DHX8: variants seen among roughly 807,000 people sequenced by gnomAD.
The protein encoded by DHX8 is DEAH-box helicase 8, also known as ATP-dependent RNA helicase DHX8.
Under a neutral mutation model 140.7 loss-of-function variants are expected in DHX8, and 67 were observed. The ratio of observed to expected loss-of-function variants is 0.48; its 90% CI spans 0.39 to 0.58. The LOEUF (loss-of-function observed/expected upper bound fraction) is 0.58. DHX8 is among the 20% of genes least tolerant of loss of function. The pLI, the probability that DHX8 is intolerant of heterozygous loss-of-function variation, is 0.00. For synonymous variants in DHX8, 533 were observed against 553.2 expected (o/e 0.96, Z 0.51); for missense variants, 887 against 1,550.7 (o/e 0.57, Z 7.19).
chr17:43,531,248 A>G (rs1970919021), downstream of DHX8, among the ~76,000 whole-genome samples: 1 of 152,222 alleles, frequency 6.6e-6, no homozygotes, highest in African/African-American at 2.4e-5. Context: ...ATCTAGGGCT[A>G]CTAATGTAAC....
chr17:43,525,936 A>G (rs1970598775), downstream of DHX8: 2 of 985,334 alleles, frequency 2.0e-6, no homozygotes, highest in Admixed American at 6.1e-5. Context: ...GCTAAGGATA[A>G]GAGACAGCAG....
chr17:43,505,639 G>T (rs958998943), intron 12 of DHX8, among the ~76,000 whole-genome samples: 1 of 151,482 alleles, frequency 6.6e-6, no homozygotes, highest in African/African-American at 2.4e-5. Flanking sequence ...TTTTTCCTGG[G>T]GCCCCTAGAA....
chr17:43,508,633 T>C (rs1164443344), intron 16 of DHX8, 113 bp downstream of exon 16: 1 of 684,262 alleles, frequency 1.5e-6, no homozygotes, highest in Non-Finnish European at 2.3e-6. Flanking sequence ...TTTTTTTTTT[T>C]TTCCTCGAGG....
intron 8 of DHX8, among the ~76,000 whole-genome samples, chr17:43,494,219 C>T (rs1398128106): frequency 1.3e-5 from 2 of 152,144 alleles, no homozygotes; most frequent in African/African-American, 2.4e-5. Context: ...GTGACAACAG[C>T]GTGGGAAAGA....
At chr17:43,490,750 C>T (rs768002642) in intron 3 of DHX8, among the ~76,000 whole-genome samples, 2 of 152,032 alleles carry the variant, frequency 1.3e-5, no homozygotes, top group East Asian at 1.9e-4. Flanking sequence ...GGCGTGCCTC[C>T]GTAGTTCCAG....
chr17:43,516,702 G>T (rs2154586824), intron 17 of DHX8, among the ~76,000 whole-genome samples: 1 of 152,226 alleles, frequency 6.6e-6, no homozygotes, highest in South Asian at 2.1e-4. Context: ...GCCCACCTTG[G>T]CCTCCCAAAG....
intron 3 of DHX8, among the ~76,000 whole-genome samples, chr17:43,542,201 A>G (rs1265938886): frequency 6.6e-6 from 1 of 152,100 alleles, no homozygotes; most frequent in African/African-American, 2.4e-5. Context: ...GATAAAAGCT[A>G]TGGGTCATTC....
At chr17:43,487,265 C>T (rs1378917410) in intron 1 of DHX8, among the ~76,000 whole-genome samples, 2 of 152,146 alleles carry the variant, frequency 1.3e-5, no homozygotes, top group African/African-American at 4.8e-5. Context: ...AAGATGTGTT[C>T]GTGTAGCCTG....
At chr17:43,529,011 T>C (rs1240224149), downstream of DHX8, 1 of 969,502 alleles carries the variant, frequency 1.0e-6, no homozygotes, top group Non-Finnish European at 1.6e-6. Flanking sequence ...ATTTCTTGTC[T>C]CTCTGACTGA....
chr17:43,519,911 A>G (rs894537085), intron 18 of DHX8: 15 of 462,030 alleles, frequency 3.2e-5, no homozygotes, highest in African/African-American at 2.8e-4. Flanking sequence ...ACTGCACTCC[A>G]GCCTGGGTGA....
chr17:43,524,953 A>AGGGTT lies in DHX8; in HGVS notation c.*1107_*1111dup, dbSNP rs1170150095. On this transcript the variant is annotated 3_prime_UTR_variant, in exon 23 of 23. Transcript: ENST00000262415. ...TGTGCCCTCCTCACAGCTCCTGAGG[A>AGGGTT]GGGTTTTTTTTTTTTCTTCCCATAG... 2 of 981,850 alleles carry AGGGTT rather than the reference A, an allele frequency of 2.0e-6. No homozygotes were observed. The allele number at this position is 981,850 out of a possible 1,614,324, so 60.8% of individuals were successfully genotyped here. A position where few individuals can be genotyped will look rare whatever the true frequency, so the allele number is the denominator to read the frequency against.
Position 43,493,745 on chromosome 17 carries a change from G to A in DHX8, c.1071G>A (p.Glu357=), listed in dbSNP as rs764176217. The A allele has an allele frequency of 3.1e-6, 5 of 1,614,094 alleles. No homozygotes were observed. The highest frequency in any genetic ancestry group is 3.3e-5 in the Admixed American group (2 of 60,012). Residue 357 remains glutamate (E), a synonymous_variant, in exon 8 of 23, where the codon GAG becomes GAA. Transcript: ENST00000262415. ...ATAGACGGCGAAATCTTGTCGGGGAGACCAATGAGGAGACCTCAATGCGGA... is the reference window on the plus strand; with the variant it reads ...ATAGACGGCGAAATCTTGTCGGGGAAACCAATGAGGAGACCTCAATGCGGA... ...NPNRRRNLVG[E]TNEETSMRNP...
chr17:43,522,141 C>A lies in DHX8; in HGVS notation c.3358C>A (p.Pro1120Thr), dbSNP rs368258592. 3 of 1,614,092 alleles carry A rather than the reference C, an allele frequency of 1.9e-6. No individual in the cohort carries two copies. Among genetic ancestry groups the A allele is most frequent in the Non-Finnish European group, 2.5e-6 (3 of 1,180,004 alleles). The change falls in exon 22 of 23, where the codon CCG becomes ACG. Residue 1120 changes from proline to threonine, a missense_variant. Pro to Thr is a conservative substitution (Grantham distance 38, BLOSUM62 -1). This residue lies in a region of DHX8 where 101 missense variants were observed against 168.2 expected (regional missense o/e 0.60). Coordinates refer to ENST00000262415, the MANE Select transcript of DHX8 (RefSeq NM_004941.3). ...GFFRNAAKKD[P>T]QEGYRTLIDQ... ...CTTCCGTAATGCTGCCAAGAAAGAC[C>A]CGCAGGAGGGTTACCGGACACTGAT...
intron 3 of DHX8, among the ~76,000 whole-genome samples, chr17:43,543,224 CA>C (rs1309146409): frequency 1.3e-5 from 2 of 151,440 alleles, no homozygotes; most frequent in South Asian, 2.1e-4. Flanking sequence ...CCCACCTCCC[CA>C]CCCACTGGAT....
At chr17:43,492,565 C>T (rs11870101) in intron 5 of DHX8, 116 bp from the exon 6 acceptor site, 282,961 of 661,970 alleles carry the variant, frequency 0.43, 65,333 homozygotes, top group Non-Finnish European at 0.49. Context: ...AACTCTAATT[C>T]AGTTCAAAAC....
intron 11 of DHX8, among the ~76,000 whole-genome samples, chr17:43,503,943 G>A (rs1969351584): frequency 6.6e-6 from 1 of 152,060 alleles, no homozygotes; most frequent in Non-Finnish European, 1.5e-5. Context: ...CTGGCTTGGT[G>A]GCTCATACCT....
intron 3 of DHX8, among the ~76,000 whole-genome samples, chr17:43,538,921 C>T (rs1370533710): frequency 6.6e-6 from 1 of 152,114 alleles, no homozygotes; most frequent in African/African-American, 2.4e-5. Flanking sequence ...TATGAGATGG[C>T]TAGAAAAAAC....
At chr17:43,521,269 G>C in intron 20 of DHX8, 100 bp from the exon 21 acceptor site, 1 of 979,534 alleles carries the variant, frequency 1.0e-6, no homozygotes, top group Non-Finnish European at 1.5e-6. Flanking sequence ...AGCCTGATGT[G>C]GACACTTTTG....
chr17:43,486,340 T>A (rs987103691), intron 1 of DHX8, among the ~76,000 whole-genome samples: 17 of 152,230 alleles, frequency 1.1e-4, no homozygotes, highest in African/African-American at 3.9e-4. Flanking sequence ...CTTTTGCTTT[T>A]GACCCTGATG....
Sources: allele counts gnomAD v4.1 joint callset (sites outside exome capture counted in the v4.1 genomes callset), GRCh38; gene constraint gnomAD v4.1.1; regional missense constraint gnomAD v4.1.1; transcripts MANE v1.5; gene names NCBI Gene and HGNC (gene_info 2026-07-23, HGNC 2026-07-21).